Variants in CDK5RAP2 observed in about 807,000 individuals in gnomAD.
The protein encoded by CDK5RAP2 is CDK5 regulatory subunit-associated protein 2.
In CDK5RAP2, 147 loss-of-function variants were observed where a neutral mutation model predicts 232.9. That is an observed-to-expected ratio of 0.63 (90% CI 0.55 to 0.72). The LOEUF (loss-of-function observed/expected upper bound fraction) is 0.72. CDK5RAP2 is among the 30% of genes least tolerant of loss of function. The pLI is 0.00. For synonymous variants in CDK5RAP2, 833 were observed against 833.7 expected (o/e 1.00, Z 0.01); for missense variants, 2,195 against 2,231.5 (o/e 0.98, Z 0.33).
At chr9:120,518,673 G>C (rs201728076) in intron 11 of CDK5RAP2, 28 bp from the exon 12 acceptor site, 1 of 1,571,656 alleles carries the variant, frequency 6.4e-7, no homozygotes, top group Non-Finnish European at 8.8e-7. Flanking sequence ...GAAGCAAGAT[G>C]AGCTAATTTT....
intron 9 of CDK5RAP2, among the ~76,000 whole-genome samples, chr9:120,528,461 C>T (rs2041003883): frequency 6.6e-6 from 1 of 152,180 alleles, no homozygotes; most frequent in African/African-American, 2.4e-5. Context: ...ATGGGCAGGT[C>T]CAAATCTTTG....
At chr9:120,507,321 T>A (rs1044772336) in intron 12 of CDK5RAP2, among the ~76,000 whole-genome samples, 1 of 152,238 alleles carries the variant, frequency 6.6e-6, no homozygotes, top group Non-Finnish European at 1.5e-5. Flanking sequence ...GAGGGACGTC[T>A]GTACCTTAAT....
At chr9:120,571,022 CG>C (rs1413515150) in intron 2 of CDK5RAP2, among the ~76,000 whole-genome samples, 1 of 151,986 alleles carries the variant, frequency 6.6e-6, no homozygotes, top group East Asian at 1.9e-4. Context: ...AGCCAGGTGT[CG>C]TGGCACACGC....
At chr9:120,566,578 T>C (rs1471352628) in intron 3 of CDK5RAP2, among the ~76,000 whole-genome samples, 1 of 152,222 alleles carries the variant, frequency 6.6e-6, no homozygotes, top group Admixed American at 6.5e-5. Context: ...GAAGCAGTCA[T>C]GGCAAACACA....
At chr9:120,479,415 CTTA>C (rs1262878217) in intron 14 of CDK5RAP2, among the ~76,000 whole-genome samples, 3 of 152,148 alleles carry the variant, frequency 2.0e-5, no homozygotes, top group African/African-American at 7.2e-5. Context: ...CCCCAAAATA[CTTA>C]TTAAATACAA....
At position 120,467,910 on chromosome 9, in the gene CDK5RAP2, A is replaced by G; in HGVS notation, c.2056T>C (p.Phe686Leu). The G allele has an allele frequency of 6.2e-7, 1 of 1,614,192 alleles. No homozygotes were observed. The highest frequency in any genetic ancestry group is 1.1e-5 in the South Asian group (1 of 91,090). ...KTIFDLSCMG[F>L]QGNGFPDRLA... ...CTATCTGGAAACCCATTTCCCTGGA[A>G]ACCCATGCAGGAGAGATCAAAAATG... Residue 686 changes from phenylalanine (F) to leucine (L), a missense_variant, in exon 18 of 38, where the codon TTC (phenylalanine) becomes CTC (leucine). Physicochemically the swap from Phe to Leu is conservative, Grantham distance 22. Coordinates refer to ENST00000349780, the MANE Select transcript of CDK5RAP2 (RefSeq NM_018249.6).
intron 17 of CDK5RAP2, 87 bp from the exon 18 acceptor site, chr9:120,468,084 C>A (rs1009634739): frequency 2.2e-6 from 3 of 1,341,862 alleles, no homozygotes; most frequent in South Asian, 2.4e-5. Flanking sequence ...CCCTATCAAG[C>A]GACTCTTTGG....
In CDK5RAP2 at chr9:120,497,609, C is replaced by G. The variant is rs549770379; in HGVS notation, c.1312-6132G>C. Among the ~76,000 whole-genome samples, 4 of 152,206 alleles carry G rather than the reference C, an allele frequency of 2.6e-5. No individual in the cohort carries two copies. In the South Asian group the frequency reaches 8.3e-4, roughly 32 times the overall value. The stretch of plus-strand genomic sequence containing the variant: ...AGAAGATTCCACTTTAACCAAGTGA[C>G]TAGCACTAACCTCATCAATAATGAC... On this transcript the variant is annotated intron_variant, in intron 12 of 37. Transcript: ENST00000349780.
intron 3 of CDK5RAP2, among the ~76,000 whole-genome samples, chr9:120,554,919 C>CACCA (rs2042169740): frequency 6.6e-6 from 1 of 151,852 alleles, no homozygotes. Flanking sequence ...AGGCATGAGT[C>CACCA]ACCACGCTCA....
intron 18 of CDK5RAP2, 190 bp from the exon 19 acceptor site, chr9:120,460,857 CA>C: frequency 4.7e-6 from 4 of 844,372 alleles, no homozygotes; most frequent in South Asian, 1.7e-5. Context: ...TGTGGCGAAT[CA>C]GACACAGCTG....
intron 1 of CDK5RAP2, among the ~76,000 whole-genome samples, chr9:120,579,334 T>C (rs909242935): frequency 2.0e-5 from 3 of 152,160 alleles, no homozygotes; most frequent in African/African-American, 7.2e-5. Flanking sequence ...CTCTGTTGGG[T>C]GGATATTACT....
In CDK5RAP2 at chr9:120,389,165, C is replaced by T. The variant is rs2031674505; in HGVS notation, c.*71G>A. ...CTCTTTCTTCCTCAATAAATAGGAA[C>T]CACACTTGGAACAAAGAGACAGCGT... On this transcript the variant is annotated 3_prime_UTR_variant, in exon 38 of 38. Transcript: ENST00000349780. 2.4e-6 allele frequency: 3 copies of T among 1,264,740 alleles called. No individual in the cohort carries two copies. The highest frequency in any genetic ancestry group is 3.7e-5 in the Admixed American group (2 of 54,628). 78.3% of individuals were successfully genotyped at this position (1,264,740 alleles called of 1,614,324 possible).
At chr9:120,571,096 T>C (rs976473930) in intron 2 of CDK5RAP2, among the ~76,000 whole-genome samples, 1 of 152,198 alleles carries the variant, frequency 6.6e-6, no homozygotes, top group Non-Finnish European at 1.5e-5. Context: ...AGGTCAAGGC[T>C]GCAGTGTGCG....
intron 3 of CDK5RAP2, among the ~76,000 whole-genome samples, chr9:120,559,473 A>G (rs2042377070): frequency 6.9e-6 from 1 of 144,702 alleles, no homozygotes; most frequent in Non-Finnish European, 1.5e-5. Flanking sequence ...GGCAACACAG[A>G]GCAAGACTCT....
intron 13 of CDK5RAP2, among the ~76,000 whole-genome samples, chr9:120,488,261 C>CA (rs970915817): frequency 6.6e-6 from 1 of 151,944 alleles, no homozygotes; most frequent in African/African-American, 2.4e-5. Flanking sequence ...TGAACACAAA[C>CA]AAAAAAATTA....
At position 120,540,814 on chromosome 9, in the gene CDK5RAP2, C is replaced by G. The variant is rs532298705; in HGVS notation, c.384-1650G>C. On this transcript the variant is annotated intron_variant, in intron 5 of 37. Coordinates refer to ENST00000349780, the MANE Select transcript of CDK5RAP2 (RefSeq NM_018249.6). ...GTTCCTCTCTGATCAGAGTGCTCTG[C>G]ACACTAGCCCTTGGCCTCTGAGGCC... 1.7e-4 allele frequency among the ~76,000 whole-genome samples: 26 copies of G among 152,384 alleles called. 1 individual carries two copies. The South Asian group carries it at 4.1e-3, about 24-fold the overall frequency.
At position 120,409,334 on chromosome 9, in the gene CDK5RAP2, T is replaced by C; in HGVS notation, c.4415-18A>G. 6.4e-7 allele frequency: 1 copy of C among 1,559,412 alleles called. No individual in the cohort carries two copies. Among genetic ancestry groups the C allele is most frequent in the East Asian group, 2.4e-5 (1 of 41,868 alleles). The stretch of plus-strand genomic sequence containing the variant: ...CTGTTTATCTGCAAACATAAAAAGG[T>C]GCCACTGAGAAGGGCCACCATTTGT... On this transcript the variant is annotated intron_variant, in intron 29 of 37. Coordinates refer to ENST00000349780, the MANE Select transcript of CDK5RAP2 (RefSeq NM_018249.6).
chr9:120,448,981 C>G (rs997221734), intron 21 of CDK5RAP2, among the ~76,000 whole-genome samples: 12 of 152,138 alleles, frequency 7.9e-5, no homozygotes, highest in African/African-American at 2.9e-4. Context: ...CACGCTACAG[C>G]AAAAAGACAA....
At chr9:120,524,227 T>C (rs561679787) in intron 11 of CDK5RAP2, among the ~76,000 whole-genome samples, 91 of 152,370 alleles carry the variant, frequency 6.0e-4, no homozygotes, top group African/African-American at 3.8e-4. Context: ...CCTTGGCACA[T>C]AGTATGTGTT....
Sources: allele counts gnomAD v4.1 joint callset (sites outside exome capture counted in the v4.1 genomes callset), GRCh38; gene constraint gnomAD v4.1.1; transcripts MANE v1.5; gene names NCBI Gene and HGNC (gene_info 2026-07-23, HGNC 2026-07-21).